Variants in IER5L observed in about 807,000 individuals in gnomAD.
The protein encoded by IER5L is immediate early response gene 5-like protein.
Under a neutral mutation model 28.3 loss-of-function variants are expected in IER5L, and 6 were observed. That is an observed-to-expected ratio of 0.21 (90% CI 0.12 to 0.42). IER5L has a LOEUF of 0.42. IER5L is among the 10% of genes least tolerant of loss of function. The probability of loss-of-function intolerance (pLI) is 1.00; values close to 1 mark genes in which losing one functional copy is unlikely to be tolerated. For missense variants in IER5L, 607 were observed against 575.2 expected, an observed-to-expected ratio of 1.06 and a Z score of -0.56; for synonymous variants, 351 against 282.5, an observed-to-expected ratio of 1.24 and a Z score of -2.43.
rs554922953 is a variant in IER5L at position 129,177,183 on chromosome 9, C to T, written c.870G>A (p.Pro290=). 3 of 1,478,828 alleles carry T rather than the reference C, an allele frequency of 2.0e-6. No individual in the cohort carries two copies. The East Asian group carries it at 7.6e-5, about 37-fold the overall frequency. 91.6% of individuals were successfully genotyped at this position (1,478,828 alleles called of 1,614,324 possible). The change falls in exon 1 of 1, where the codon CCG becomes CCA. Residue 290 remains proline, a synonymous_variant. Transcript: ENST00000372491. ...AHCPCCGQGA[P]GPGLASAAGC... is the part of the protein sequence containing the mutation. ...CGGCGGCGGACGCCAGGCCCGGTCC[C>T]GGAGCGCCCTGGCCACAGCAGGGGC...
Position 129,177,063 on chromosome 9 carries a change from C to G in IER5L, c.990G>C (p.Pro330=), listed in dbSNP as rs368872587. The G allele has an allele frequency of 6.6e-7, 1 of 1,510,400 alleles. No homozygotes were observed. The highest frequency in any genetic ancestry group is 8.8e-7 in the Non-Finnish European group (1 of 1,130,564). 93.6% of individuals were successfully genotyped at this position (1,510,400 alleles called of 1,614,324 possible). Reference sequence around the variant, plus strand: ...AGCGGGCGCGCTTGCAGGGGGCGAACGGGGCGCCCCCGGGGGGCTCGGCCC... The same window carrying G: ...AGCGGGCGCGCTTGCAGGGGGCGAAGGGGGCGCCCCCGGGGGGCTCGGCCC... ...GLGAEPPGGA[P]FAPCKRARFE... The change falls in exon 1 of 1, where the codon CCG becomes CCC. Residue 330 remains proline (P), a synonymous_variant. Coordinates refer to ENST00000372491, the MANE Select transcript of IER5L (RefSeq NM_203434.3).
rs372423964 is a variant in IER5L at position 129,176,577 on chromosome 9, T to C, written c.*261A>G. ...CTAAACACCACTGCAATCACTACAA[T>C]AAAAAGAAAAAAAGGAGTAGGAGAA... On this transcript the variant is annotated 3_prime_UTR_variant, in exon 1 of 1. Coordinates refer to ENST00000372491, the MANE Select transcript of IER5L (RefSeq NM_203434.3). 1.9e-4 allele frequency: 60 copies of C among 318,302 alleles called. 2 individuals carry two copies. Among genetic ancestry groups the C allele is most frequent in the East Asian group, 9.7e-4 (16 of 16,482 alleles). 19.7% of individuals were successfully genotyped at this position (318,302 alleles called of 1,614,324 possible).
rs761959744 is a variant in IER5L at position 129,177,432 on chromosome 9, G to A, written c.621C>T (p.Ala207=). ...GGGCGGCCCCTGGGGGCGCGGAGCA[G>A]GCGGCCGGGGCGCGAGGGTCCCGCG... The part of the protein sequence containing the change: ...LCPRDPRAPA[A]CSAPPGAAPP... Residue 207 remains alanine (A), a synonymous_variant, in exon 1 of 1, where the codon GCC becomes GCT. Transcript: ENST00000372491. The A allele has an allele frequency of 2.3e-4, 273 of 1,197,794 alleles. 1 individual carries two copies. Among genetic ancestry groups the A allele is most frequent in the Non-Finnish European group, 2.7e-4 (261 of 966,818 alleles). The allele number at this position is 1,197,794 out of a possible 1,614,324, so 74.2% of individuals were successfully genotyped here.
In IER5L at chr9:129,176,668, C is replaced by CTT; in HGVS notation, c.*168_*169dup. On this transcript the variant is annotated 3_prime_UTR_variant, in exon 1 of 1. Coordinates refer to ENST00000372491, the MANE Select transcript of IER5L (RefSeq NM_203434.3). Reference sequence around the variant, plus strand: ...AAATAAAGTCCAAGATTTTAGATTTCTTTTTTTTTTATTTTACAATTTATA... The same window carrying CTT: ...AAATAAAGTCCAAGATTTTAGATTTCTTTTTTTTTTTTATTTTACAATTTATA... 9 of 823,882 alleles carry CTT rather than the reference C, an allele frequency of 1.1e-5. No individual in the cohort carries two copies. The highest frequency in any genetic ancestry group is 4.4e-5 in the Admixed American group (1 of 22,948). The allele number at this position is 823,882 out of a possible 1,614,324, so 51.0% of individuals were successfully genotyped here. A position where few individuals can be genotyped will look rare whatever the true frequency, so the allele number is the denominator to read the frequency against.
Position 129,176,985 on chromosome 9 carries a change from C to G in IER5L, c.1068G>C (p.Leu356Phe), listed in dbSNP as rs745672128. ...AGAAGCCGGAGCCAAAGATGGAGAT[C>G]AAGTTTGAGATGTTGGACGCGTCCG... ...SSPDASNISNLISIFGSGFSG... is the reference protein window; with the variant it reads ...SSPDASNISNFISIFGSGFSG... The change falls in exon 1 of 1, where the codon TTG becomes TTC. Residue 356 changes from leucine to phenylalanine, a missense_variant. Coordinates refer to ENST00000372491, the MANE Select transcript of IER5L (RefSeq NM_203434.3). The G allele has an allele frequency of 6.2e-7, 1 of 1,602,000 alleles. No individual in the cohort carries two copies. The highest frequency in any genetic ancestry group is 2.3e-5 in the East Asian group (1 of 43,522).
At position 129,177,717 on chromosome 9, in the gene IER5L, G is replaced by A. The variant is rs1254901136; in HGVS notation, c.336C>T (p.His112=). The A allele has an allele frequency of 1.4e-6, 2 of 1,441,676 alleles. No homozygotes were observed. Among genetic ancestry groups the A allele is most frequent in the Non-Finnish European group, 1.8e-6 (2 of 1,101,582 alleles). The allele number at this position is 1,441,676 out of a possible 1,614,324, so 89.3% of individuals were successfully genotyped here. The change falls in exon 1 of 1, where the codon CAC becomes CAT. Residue 112 remains histidine (H), a synonymous_variant. Transcript: ENST00000372491. ...GCAGCTGGTGGAGCTGGTGGAGCTG[G>A]TGCAGCTGGTGCCGGGCGGCCGGCT... ...AREPAARHQL[H]QLHQLHQLHL... is the part of the protein sequence containing the mutation.
In IER5L at chr9:129,178,204, C is replaced by T. The variant is rs1829445324; in HGVS notation, c.-152G>A. 6.7e-6 allele frequency: 4 copies of T among 592,736 alleles called. No individual in the cohort carries two copies. Among genetic ancestry groups the T allele is most frequent in the Admixed American group, 4.4e-5 (1 of 22,922 alleles). 36.7% of individuals were successfully genotyped at this position (592,736 alleles called of 1,614,324 possible). A position where few individuals can be genotyped will look rare whatever the true frequency, so the allele number is the denominator to read the frequency against. ...GCTGCGCTCCGAAAGGAGCCGCCAC[C>T]ATGCGCCGCGCGCCACCCGCGGGCT... On this transcript the variant is annotated 5_prime_UTR_variant, in exon 1 of 1. The change abolishes an upstream ATG in the 5' untranslated region. Coordinates refer to ENST00000372491, the MANE Select transcript of IER5L (RefSeq NM_203434.3).
In IER5L at chr9:129,176,779, C is replaced by A; in HGVS notation, c.*59G>T. 7.0e-7 allele frequency: 1 copy of A among 1,422,470 alleles called. No individual in the cohort carries two copies. Among genetic ancestry groups the A allele is most frequent in the South Asian group, 1.5e-5 (1 of 65,576 alleles). 88.1% of individuals were successfully genotyped at this position (1,422,470 alleles called of 1,614,324 possible). A position where few individuals can be genotyped will look rare whatever the true frequency, so the allele number is the denominator to read the frequency against. ...TCGTTCCCTCCTCTCGCCCCTTTGC[C>A]GAGTCTTTGTCTGGCCCCAGCCCCG... On this transcript the variant is annotated 3_prime_UTR_variant, in exon 1 of 1. Coordinates refer to ENST00000372491, the MANE Select transcript of IER5L (RefSeq NM_203434.3).
In IER5L at chr9:129,176,727, C is replaced by G. The variant is rs1302311261; in HGVS notation, c.*111G>C. Reference sequence around the variant, plus strand: ...GCCGCCTGCCCCCGCTCGCCCCCAGCTCAGCCCCGAGTGGCCCGGCGCCCG... The same window carrying G: ...GCCGCCTGCCCCCGCTCGCCCCCAGGTCAGCCCCGAGTGGCCCGGCGCCCG... On this transcript the variant is annotated 3_prime_UTR_variant, in exon 1 of 1. Transcript: ENST00000372491. The G allele has an allele frequency of 4.4e-6, 6 of 1,357,480 alleles. No individual in the cohort carries two copies. Among genetic ancestry groups the G allele is most frequent in the Non-Finnish European group, 5.7e-6 (6 of 1,053,206 alleles). The allele number at this position is 1,357,480 out of a possible 1,614,324, so 84.1% of individuals were successfully genotyped here.
chr9:129,176,904 C>T lies in IER5L; in HGVS notation c.1149G>A (p.Gly383=). 1 of 1,605,300 alleles carries T rather than the reference C, an allele frequency of 6.2e-7. No individual in the cohort carries two copies. The highest frequency in any genetic ancestry group is 1.3e-5 in the African/African-American group (1 of 74,138). Residue 383 remains glycine (G), a synonymous_variant, in exon 1 of 1, where the codon GGG becomes GGA. Transcript: ENST00000372491. ...CGAGCGCCTGCTTGGCGCACAGCTG[C>T]CCGTTGAGCGGCGGCGGCTGCTCCG... ...DSSEQPPPLN[G]QLCAKQALAS...
rs1249224974 is a variant in IER5L at position 129,175,683 on chromosome 9, A to G, written c.*1155T>C. 1 of 152,224 alleles carries G rather than the reference A, an allele frequency of 6.6e-6. No individual in the cohort carries two copies. The highest frequency in any genetic ancestry group is 1.9e-4 in the East Asian group (1 of 5,198). The allele number at this position is 152,224 out of a possible 1,614,324, so 9.4% of individuals were successfully genotyped here. A position where few individuals can be genotyped will look rare whatever the true frequency, so the allele number is the denominator to read the frequency against. ...AGGGCCGAGAAAGGAAGGATTGGCA[A>G]CTCGTTTTGGAGTCCACACGGTGCT... On this transcript the variant is annotated 3_prime_UTR_variant, in exon 1 of 1. Coordinates refer to ENST00000372491, the MANE Select transcript of IER5L (RefSeq NM_203434.3). This position sits in a 1 kb window ranked among gnomAD's most constrained non-coding sequence, Gnocchi z 5.2.
Position 129,177,388 on chromosome 9 carries a change from G to A in IER5L, c.665C>T (p.Ser222Phe), listed in dbSNP as rs762772717. 1 of 1,271,720 alleles carries A rather than the reference G, an allele frequency of 7.9e-7. No homozygotes were observed. The highest frequency in any genetic ancestry group is 3.4e-5 in the Admixed American group (1 of 29,686). The allele number at this position is 1,271,720 out of a possible 1,614,324, so 78.8% of individuals were successfully genotyped here. A position where few individuals can be genotyped will look rare whatever the true frequency, so the allele number is the denominator to read the frequency against. Residue 222 changes from serine to phenylalanine, a missense_variant, in exon 1 of 1, where the codon TCT (serine) becomes TTT (phenylalanine). Physicochemically the swap from Ser to Phe is radical, Grantham distance 155. Coordinates refer to ENST00000372491, the MANE Select transcript of IER5L (RefSeq NM_203434.3). ...PGAAPPAAAASPPASPAPASS... is the reference protein window; with the variant it reads ...PGAAPPAAAAFPPASPAPASS... ...GGCGGGGGCCGGGGAGGCGGGCGGA[G>A]AAGCGGCGGCGGCCGGAGGGGCGGC...
In IER5L at chr9:129,176,505, G is replaced by C. The variant is rs1281821178; in HGVS notation, c.*333C>G. On this transcript the variant is annotated 3_prime_UTR_variant, in exon 1 of 1. Transcript: ENST00000372491. Reference sequence around the variant, plus strand: ...CGCCCTGCCTCGCCCCCGGCTGCCCGGCACCTCCTCCGGGCAGCAGCCCTC... The same window carrying C: ...CGCCCTGCCTCGCCCCCGGCTGCCCCGCACCTCCTCCGGGCAGCAGCCCTC... 5.1e-5 allele frequency: 8 copies of C among 157,534 alleles called. No individual in the cohort carries two copies. Among genetic ancestry groups the C allele is most frequent in the African/African-American group, 1.5e-4 (6 of 41,340 alleles). The allele number at this position is 157,534 out of a possible 1,614,324, so 9.8% of individuals were successfully genotyped here. A position where few individuals can be genotyped will look rare whatever the true frequency, so the allele number is the denominator to read the frequency against.
chr9:129,178,226 G>C lies in IER5L; in HGVS notation c.-174C>G, dbSNP rs992076281. 8.1e-6 allele frequency: 4 copies of C among 496,734 alleles called. No individual in the cohort carries two copies. The highest frequency in any genetic ancestry group is 3.5e-5 in the East Asian group (1 of 28,202). 30.8% of individuals were successfully genotyped at this position (496,734 alleles called of 1,614,324 possible). A position where few individuals can be genotyped will look rare whatever the true frequency, so the allele number is the denominator to read the frequency against. On this transcript the variant is annotated 5_prime_UTR_variant, in exon 1 of 1. Coordinates refer to ENST00000372491, the MANE Select transcript of IER5L (RefSeq NM_203434.3). ...CACCATGCGCCGCGCGCCACCCGCGGGCTCGCGCTCCCCAGACGGCGCCAA... is the reference window on the plus strand; with the variant it reads ...CACCATGCGCCGCGCGCCACCCGCGCGCTCGCGCTCCCCAGACGGCGCCAA...
Position 129,176,588 on chromosome 9 carries a change from AAAG to A in IER5L, c.*247_*249del, listed in dbSNP as rs898571591. 2 of 364,684 alleles carry A rather than the reference AAAG, an allele frequency of 5.5e-6. No homozygotes were observed. The highest frequency in any genetic ancestry group is 4.7e-6 in the Non-Finnish European group (1 of 213,888). 22.6% of individuals were successfully genotyped at this position (364,684 alleles called of 1,614,324 possible). A position where few individuals can be genotyped will look rare whatever the true frequency, so the allele number is the denominator to read the frequency against. On this transcript the variant is annotated 3_prime_UTR_variant, in exon 1 of 1. Transcript: ENST00000372491. ...TGCAATCACTACAATAAAAAGAAAA[AAAG>A]GAGTAGGAGAAACACAAAGCATACT...
rs920760668 is a variant in IER5L, at chr9:129,175,996, A to T, written c.*842T>A. 1 of 152,064 alleles carries T rather than the reference A, an allele frequency of 6.6e-6. No homozygotes were observed. Among genetic ancestry groups the T allele is most frequent in the Non-Finnish European group, 1.5e-5 (1 of 68,006 alleles). The allele number at this position is 152,064 out of a possible 1,614,324, so 9.4% of individuals were successfully genotyped here. Reference sequence around the variant, plus strand: ...GCCGGGGATCCAGGTGAAGGAATTGACTTCCTTTTTTGTTTAGTGAGGACC... The same window carrying T: ...GCCGGGGATCCAGGTGAAGGAATTGTCTTCCTTTTTTGTTTAGTGAGGACC... On this transcript the variant is annotated 3_prime_UTR_variant, in exon 1 of 1. Transcript: ENST00000372491. The surrounding 1 kb of genome is among the most constrained non-coding windows in gnomAD (Gnocchi z 5.2).
In IER5L at chr9:129,177,114, G is replaced by T. The variant is rs1290698612; in HGVS notation, c.939C>A (p.Asp313Glu). The change falls in exon 1 of 1, where the codon GAC becomes GAA. Residue 313 changes from aspartate to glutamate, a missense_variant. By Grantham distance (45) the Asp-to-Glu change is conservative (BLOSUM62 2). Coordinates refer to ENST00000372491, the MANE Select transcript of IER5L (RefSeq NM_203434.3). ...CCAGCCCGCCCGCATCCTCCTCGTC[G>T]TCTTCCTCCTCCTCCTGGCCAGGGT... ...KYYPGQEEEE[D>E]DEEDAGGLGA... 2.1e-6 allele frequency: 3 copies of T among 1,460,618 alleles called. No individual in the cohort carries two copies. Among genetic ancestry groups the T allele is most frequent in the Admixed American group, 5.6e-5 (2 of 35,636 alleles). The allele number at this position is 1,460,618 out of a possible 1,614,324, so 90.5% of individuals were successfully genotyped here.
chr9:129,177,915 G>C lies in IER5L; in HGVS notation c.138C>G (p.Leu46=), dbSNP rs552751530. 25 of 1,562,144 alleles carry C rather than the reference G, an allele frequency of 1.6e-5. No homozygotes were observed. Among genetic ancestry groups the C allele is most frequent in the Middle Eastern group, 1.9e-4 (1 of 5,298 alleles). ...VSYVLRNARQ[L]YLSERYAELY... Reference sequence around the variant, plus strand: ...GCTCGGCGTAGCGCTCGCTCAGGTAGAGCTGGCGCGCGTTGCGGAGCACGT... The same window carrying C: ...GCTCGGCGTAGCGCTCGCTCAGGTACAGCTGGCGCGCGTTGCGGAGCACGT... The change falls in exon 1 of 1, where the codon CTC becomes CTG. Residue 46 remains leucine (L), a synonymous_variant. Coordinates refer to ENST00000372491, the MANE Select transcript of IER5L (RefSeq NM_203434.3).
chr9:129,178,177 C>G lies in IER5L; in HGVS notation c.-125G>C. 1 of 795,440 alleles carries G rather than the reference C, an allele frequency of 1.3e-6. No homozygotes were observed. Among genetic ancestry groups the G allele is most frequent in the Non-Finnish European group, 1.7e-6 (1 of 577,698 alleles). The allele number at this position is 795,440 out of a possible 1,614,324, so 49.3% of individuals were successfully genotyped here. A position where few individuals can be genotyped will look rare whatever the true frequency, so the allele number is the denominator to read the frequency against. ...GGTAACGGAGTCCGGGTCAGAGGTT[C>G]GGCTGCGCTCCGAAAGGAGCCGCCA... On this transcript the variant is annotated 5_prime_UTR_variant, in exon 1 of 1. Transcript: ENST00000372491.
Sources: gnomAD v4.1 joint callset for allele counts on GRCh38, gnomAD v4.1.1 for gene constraint, Gnocchi (gnomAD v3.1) non-coding constraint, MANE v1.5 for transcripts, NCBI Gene and HGNC (gene_info 2026-07-23, HGNC 2026-07-21) for gene names.